Variants in CAMK2D observed in about 807,000 individuals in gnomAD.
CAMK2D encodes the protein calcium/calmodulin dependent protein kinase II delta, also known as calcium/calmodulin-dependent protein kinase type II subunit delta.
CAMK2D carries 37 observed loss-of-function variants against 84.0 expected under a neutral mutation model. That is an observed-to-expected ratio of 0.44 (90% confidence interval 0.34 to 0.58). The LOEUF is 0.58. Among genes scored for constraint, CAMK2D ranks in the 20% least tolerant of loss-of-function variants. CAMK2D has a pLI of 0.02. For missense variants in CAMK2D, 448 were observed against 652.5 expected, an observed-to-expected ratio of 0.69 and a Z score of 3.41; for synonymous variants, 202 against 212.5, an observed-to-expected ratio of 0.95 and a Z score of 0.43.
chr4:113,526,999 C>A (rs1002569168), intron 8 of CAMK2D, among the ~76,000 whole-genome samples: 1 of 151,280 alleles, frequency 6.6e-6, no homozygotes, highest in East Asian at 1.9e-4. Flanking sequence ...GTCTGTGGTG[C>A]CATTTTCCTA....
rs147390428 is a variant in CAMK2D at position 113,614,277 on chromosome 4, C to T, written c.221-5071G>A. On this transcript the variant is annotated intron_variant, in intron 3 of 20. Coordinates refer to ENST00000511664, the MANE Select transcript of CAMK2D (RefSeq NM_001321571.2). ...TTCTTACTCTGCCATACAACCCAAACTCACTATCTGTTCCTCTTCACTAAA... is the reference window on the plus strand; with the variant it reads ...TTCTTACTCTGCCATACAACCCAAATTCACTATCTGTTCCTCTTCACTAAA... Among the ~76,000 whole-genome samples the T allele has an allele frequency of 2.9e-3, 444 of 152,134 alleles. 3 individuals carry two copies. Among genetic ancestry groups the T allele is most frequent in the African/African-American group, 9.8e-3 (408 of 41,508 alleles).
At chr4:113,547,361 A>G (rs1322704473) in intron 6 of CAMK2D, among the ~76,000 whole-genome samples, 2 of 152,248 alleles carry the variant, frequency 1.3e-5, no homozygotes, top group Non-Finnish European at 2.9e-5. Context: ...ACTGAAAGTC[A>G]CATTAATGCT....
At chr4:113,561,186 C>T (rs561885571) in intron 4 of CAMK2D, among the ~76,000 whole-genome samples, 3 of 152,174 alleles carry the variant, frequency 2.0e-5, no homozygotes, top group African/African-American at 7.2e-5. Context: ...TTTATTACTA[C>T]AGGGACTTAC....
At chr4:113,692,294 T>G (rs2099389211) in intron 2 of CAMK2D, among the ~76,000 whole-genome samples, 1 of 152,176 alleles carries the variant, frequency 6.6e-6, no homozygotes, top group South Asian at 2.1e-4. Context: ...ATCAATTTGA[T>G]ATCGTTCACT....
At chr4:113,599,120 AC>A (rs1301712142) in intron 4 of CAMK2D, among the ~76,000 whole-genome samples, 28 of 152,184 alleles carry the variant, frequency 1.8e-4, no homozygotes, top group African/African-American at 5.3e-4. Flanking sequence ...ATCACTACAC[AC>A]CTATTAAAAA....
At chr4:113,629,277 T>C (rs1402099170) in intron 3 of CAMK2D, among the ~76,000 whole-genome samples, 1 of 152,044 alleles carries the variant, frequency 6.6e-6, no homozygotes, top group Non-Finnish European at 1.5e-5. Flanking sequence ...TCCAAGAAGC[T>C]AAGGTAATAA....
chr4:113,611,249 T>C (rs946442866), intron 3 of CAMK2D, among the ~76,000 whole-genome samples: 8 of 152,176 alleles, frequency 5.3e-5, no homozygotes, highest in Non-Finnish European at 1.0e-4. Flanking sequence ...CTTCTAATGA[T>C]CATTTAGTAC....
At chr4:113,499,788 T>C (rs564956692) in intron 16 of CAMK2D, among the ~76,000 whole-genome samples, 4 of 152,298 alleles carry the variant, frequency 2.6e-5, no homozygotes, top group South Asian at 4.1e-4. Flanking sequence ...GCAAATGCAA[T>C]TGATACAAAA....
intron 4 of CAMK2D, among the ~76,000 whole-genome samples, chr4:113,584,830 A>G (rs117463315): frequency 6.6e-6 from 1 of 152,300 alleles, no homozygotes; most frequent in East Asian, 1.9e-4. Context: ...CAAAAATAAA[A>G]GATATTAATG....
chr4:113,567,974 G>T (rs2098733717), intron 4 of CAMK2D, among the ~76,000 whole-genome samples: 1 of 152,158 alleles, frequency 6.6e-6, no homozygotes, highest in Admixed American at 6.5e-5. Flanking sequence ...CTTAGGAGAA[G>T]TAATTAACAA....
chr4:113,713,700 A>G (rs1312198289), intron 2 of CAMK2D, among the ~76,000 whole-genome samples: 1 of 151,226 alleles, frequency 6.6e-6, no homozygotes, highest in African/African-American at 2.4e-5. Context: ...TTCTTATGTG[A>G]TAGTTCTTAT....
chr4:113,727,807 A>T (rs924021316), intron 2 of CAMK2D, among the ~76,000 whole-genome samples: 1 of 152,332 alleles, frequency 6.6e-6, no homozygotes, highest in Admixed American at 6.5e-5. Context: ...AAGAATTCTT[A>T]GAAATCAGCA....
At chr4:113,650,348 T>A (rs1343225005) in intron 3 of CAMK2D, among the ~76,000 whole-genome samples, 1 of 150,802 alleles carries the variant, frequency 6.6e-6, no homozygotes, top group Admixed American at 6.6e-5. Flanking sequence ...TGAAACCCCA[T>A]CTCTACTAAA....
rs1590400460 is a variant in CAMK2D, at chr4:113,509,733, C to CAACAA, written c.947-63_947-59dup. Reference sequence around the variant, plus strand: ...TTATCCATAGAAACCCACAGCCAGACAACAAAGCAGTCAGGTTATTGTCTC... The same window carrying CAACAA: ...TTATCCATAGAAACCCACAGCCAGACAACAAAACAAAGCAGTCAGGTTATTGTCTC... On this transcript the variant is annotated intron_variant, in intron 12 of 20. Coordinates refer to ENST00000511664, the MANE Select transcript of CAMK2D (RefSeq NM_001321571.2). 1.4e-5 allele frequency: 17 copies of CAACAA among 1,251,740 alleles called. No individual in the cohort carries two copies. In the East Asian group the frequency reaches 3.9e-4, roughly 29 times the overall value. The allele number at this position is 1,251,740 out of a possible 1,614,324, so 77.5% of individuals were successfully genotyped here. A position where few individuals can be genotyped will look rare whatever the true frequency, so the allele number is the denominator to read the frequency against.
intron 16 of CAMK2D, among the ~76,000 whole-genome samples, chr4:113,486,030 T>G (rs2097762629): frequency 6.6e-6 from 1 of 152,168 alleles, no homozygotes; most frequent in African/African-American, 2.4e-5. Context: ...GGTGAAGAGA[T>G]ATGAAGAGTG....
chr4:113,484,285 C>T (rs1248359998), intron 16 of CAMK2D, among the ~76,000 whole-genome samples: 1 of 152,094 alleles, frequency 6.6e-6, no homozygotes, highest in Non-Finnish European at 1.5e-5. Flanking sequence ...TTCCACTTCT[C>T]TTATAGATGA....
intron 3 of CAMK2D, among the ~76,000 whole-genome samples, chr4:113,650,015 G>A (rs1048949478): frequency 2.6e-5 from 4 of 152,108 alleles, no homozygotes; most frequent in Non-Finnish European, 4.4e-5. Context: ...GAACCCAGGA[G>A]GCAGAGGTTG....
chr4:113,568,650 A>G (rs1591354732), intron 4 of CAMK2D, among the ~76,000 whole-genome samples: 1 of 152,284 alleles, frequency 6.6e-6, no homozygotes, highest in East Asian at 1.9e-4. Context: ...GAATCACAAA[A>G]CTTTTTTACA....
chr4:113,475,970 T>C (rs1360644827), intron 16 of CAMK2D, among the ~76,000 whole-genome samples: 1 of 152,236 alleles, frequency 6.6e-6, no homozygotes, highest in African/African-American at 2.4e-5. Flanking sequence ...CTCCCATTCA[T>C]TGTTTAAAAC....
Sources: allele counts gnomAD v4.1 joint callset (sites outside exome capture counted in the v4.1 genomes callset), GRCh38; gene constraint gnomAD v4.1.1; transcripts MANE v1.5; gene names NCBI Gene and HGNC (gene_info 2026-07-23, HGNC 2026-07-21).